Variants in ALK observed in about 807,000 individuals in gnomAD.
ALK encodes the protein ALK tyrosine kinase receptor.
In ALK, 74 loss-of-function variants were observed where a neutral mutation model predicts 163.1. That is an observed-to-expected ratio of 0.45 (90% CI 0.38 to 0.55). The LOEUF is 0.55. ALK is among the 20% of genes least tolerant of loss of function. The pLI is 0.00. For missense variants in ALK, 2,063 were observed against 2,105.3 expected, an observed-to-expected ratio of 0.98 and a Z score of 0.39; for synonymous variants, 960 against 843.2, an observed-to-expected ratio of 1.14 and a Z score of -2.40.
intron 4 of ALK, among the ~76,000 whole-genome samples, chr2:29,442,092 A>G (rs1670559738): frequency 6.6e-6 from 1 of 150,776 alleles, no homozygotes; most frequent in Non-Finnish European, 1.5e-5. Context: ...CAAGACCACT[A>G]ATGACAAACC....
At chr2:29,580,755 G>A (rs968158766) in intron 3 of ALK, among the ~76,000 whole-genome samples, 5 of 152,224 alleles carry the variant, frequency 3.3e-5, no homozygotes, top group African/African-American at 1.2e-4. Flanking sequence ...AACGGGCCCT[G>A]ACGTGGTTTG....
At chr2:29,473,936 C>T (rs1325777656) in intron 4 of ALK, among the ~76,000 whole-genome samples, 2 of 152,128 alleles carry the variant, frequency 1.3e-5, no homozygotes, top group African/African-American at 4.8e-5. Context: ...ATGGACCCTA[C>T]CAAGTTGTTG....
chr2:29,207,258 C>A lies in ALK; in HGVS notation c.3851G>T (p.Arg1284Ile), dbSNP rs13427480. Residue 1284 changes from arginine (R) to isoleucine (I), a missense_variant, in exon 26 of 29, where the codon AGA (arginine) becomes ATA (isoleucine). Around this residue, in one of 5 missense-constraint regions of ALK, gnomAD observed 83 missense variants for 139.7 expected, o/e 0.59. Coordinates refer to ENST00000389048, the MANE Select transcript of ALK (RefSeq NM_004304.5). ...ARDIYRASYY[R>I]KGGCAMLPVK... ...TGGCAGCATGGCACAGCCTCCCTTT[C>A]TATAGTAGCTCGCCCTGTGGGGAAG... The A allele has an allele frequency of 1.2e-6, 2 of 1,614,138 alleles. No homozygotes were observed. The highest frequency in any genetic ancestry group is 1.7e-6 in the Non-Finnish European group (2 of 1,179,980).
intron 4 of ALK, among the ~76,000 whole-genome samples, chr2:29,465,429 C>T (rs1162129744): frequency 6.6e-6 from 1 of 152,164 alleles, no homozygotes. Flanking sequence ...CATGGTGGCT[C>T]ATGCTTATAA....
intron 15 of ALK, among the ~76,000 whole-genome samples, chr2:29,231,250 A>G (rs1458479666): frequency 6.6e-6 from 1 of 152,226 alleles, no homozygotes; most frequent in African/African-American, 2.4e-5. Context: ...AGGCAGGAGA[A>G]TCGCTTGAAC....
intron 1 of ALK, among the ~76,000 whole-genome samples, chr2:29,726,224 C>T (rs766365970): frequency 2.0e-5 from 3 of 152,126 alleles, no homozygotes; most frequent in Non-Finnish European, 2.9e-5. Context: ...CTGTTTGGGT[C>T]CATTTCTGTG....
chr2:29,620,806 C>G (rs548738883), intron 3 of ALK, among the ~76,000 whole-genome samples: 1 of 152,090 alleles, frequency 6.6e-6, no homozygotes, highest in African/African-American at 2.4e-5. Flanking sequence ...CCCCGCGCCT[C>G]GGGAGAAAGA....
intron 3 of ALK, among the ~76,000 whole-genome samples, chr2:29,595,395 A>T: frequency 6.9e-6 from 1 of 144,508 alleles, no homozygotes; most frequent in Non-Finnish European, 1.5e-5. Flanking sequence ...ATCTCGGCTC[A>T]CTGCAAGCTC....
chr2:29,655,010 A>T (rs4450563), intron 3 of ALK, among the ~76,000 whole-genome samples: 16,655 of 152,212 alleles, frequency 0.11, 1,988 homozygotes, highest in African/African-American at 0.3. Context: ...TGTTCTACCA[A>T]CTGAAGACAT....
At chr2:29,876,713 G>A (rs1421276340) in intron 1 of ALK, among the ~76,000 whole-genome samples, 1 of 146,362 alleles carries the variant, frequency 6.8e-6, no homozygotes, top group Non-Finnish European at 1.5e-5. Flanking sequence ...TGGTGATGGT[G>A]GTGATGGTGA....
chr2:29,709,629 G>A (rs1679014788), intron 2 of ALK, among the ~76,000 whole-genome samples: 2 of 152,164 alleles, frequency 1.3e-5, no homozygotes, highest in Non-Finnish European at 2.9e-5. Flanking sequence ...GTAGCGGGGA[G>A]ACACATAAAA....
intron 26 of ALK, among the ~76,000 whole-genome samples, chr2:29,203,654 T>C (rs1669240930): frequency 6.6e-6 from 1 of 151,504 alleles, no homozygotes; most frequent in African/African-American, 2.4e-5. Flanking sequence ...GCCCAGCTAA[T>C]TTTTGTATTT....
Position 29,511,381 on chromosome 2 carries a change from G to A in ALK, c.1154+20534C>T, listed in dbSNP as rs1672509525. On this transcript the variant is annotated intron_variant, in intron 4 of 28. Transcript: ENST00000389048. ...GCATTTTCTGGAATTACATATAAAT[G>A]GAAGCACAAACTATGTGGTCTTTGT... is the stretch of plus-strand genomic sequence containing the variant. 3.3e-5 allele frequency among the ~76,000 whole-genome samples: 5 copies of A among 152,228 alleles called. No homozygotes were observed. The South Asian group carries it at 1.0e-3, about 32-fold the overall frequency.
chr2:29,729,290 T>C (rs752483186), intron 1 of ALK, among the ~76,000 whole-genome samples: 5 of 151,974 alleles, frequency 3.3e-5, no homozygotes, highest in Non-Finnish European at 7.4e-5. Flanking sequence ...TTTATTTTGC[T>C]TTAAAAATGA....
At chr2:29,702,276 G>A (rs982289298) in intron 2 of ALK, among the ~76,000 whole-genome samples, 2 of 151,976 alleles carry the variant, frequency 1.3e-5, no homozygotes, top group Non-Finnish European at 2.9e-5. Context: ...TTAGAATCTC[G>A]ATATTCTAAA....
chr2:29,551,443 G>T (rs753316341), intron 3 of ALK, among the ~76,000 whole-genome samples: 1 of 152,074 alleles, frequency 6.6e-6, no homozygotes, highest in African/African-American at 2.4e-5. Flanking sequence ...AACTATGCAT[G>T]TGCTTGGTAT....
chr2:29,242,147 G>A (rs922620205), intron 12 of ALK, among the ~76,000 whole-genome samples: 2 of 152,208 alleles, frequency 1.3e-5, no homozygotes, highest in African/African-American at 4.8e-5. Context: ...GGCAGGGGAC[G>A]ATGTGGCGGC....
intron 8 of ALK, among the ~76,000 whole-genome samples, chr2:29,303,120 C>G (rs531679520): frequency 6.6e-6 from 1 of 152,026 alleles, no homozygotes; most frequent in East Asian, 1.9e-4. Context: ...ACTATGCATC[C>G]AAGAAGGGAT....
chr2:29,222,532 C>A lies in ALK; in HGVS notation c.3435G>T (p.Leu1145=), dbSNP rs1316758308. The change falls in exon 21 of 29, where the codon CTG becomes CTT. Residue 1145 remains leucine, a synonymous_variant. Coordinates refer to ENST00000389048, the MANE Select transcript of ALK (RefSeq NM_004304.5). ...CACTTCTTACCTTCACAGCCACTTGCAGGGGGCTTGGGTCGTTGGGCATTC... is the reference window on the plus strand; with the variant it reads ...CACTTCTTACCTTCACAGCCACTTGAAGGGGGCTTGGGTCGTTGGGCATTC... ...VSGMPNDPSP[L]QVAVKTLPEV... is the part of the protein sequence containing the mutation. 1 of 1,614,118 alleles carries A rather than the reference C, an allele frequency of 6.2e-7. No homozygotes were observed.
Sources: gnomAD v4.1 joint callset for allele counts (sites outside exome capture counted in the v4.1 genomes callset) on GRCh38, gnomAD v4.1.1 for gene constraint, gnomAD v4.1.1 regional missense constraint, MANE v1.5 for transcripts, NCBI Gene and HGNC (gene_info 2026-07-23, HGNC 2026-07-21) for gene names.